ZBED3: variants seen among roughly 807,000 people sequenced by gnomAD.
ZBED3 encodes zinc finger BED domain-containing protein 3.
For missense variants in ZBED3, 388 were observed against 362.9 expected, an observed-to-expected ratio of 1.07 and a Z score of -0.56; for synonymous variants, 175 against 180.0, an observed-to-expected ratio of 0.97 and a Z score of 0.22.
intron 1 of ZBED3, chr5:77,080,492 T>C (rs762853714): frequency 1.9e-6 from 1 of 517,750 alleles, no homozygotes; most frequent in South Asian, 1.4e-5. Flanking sequence ...ATCCTCTGCC[T>C]GGGCAGCCCT....
chr5:77,080,602 A>G (rs774027937), intron 1 of ZBED3: 5 of 519,124 alleles, frequency 9.6e-6, no homozygotes, highest in South Asian at 5.6e-5. Flanking sequence ...GCTCAATACA[A>G]TCCTCAGTCT....
At chr5:77,080,442 G>A (rs780565395) in intron 1 of ZBED3, 4 of 486,002 alleles carry the variant, frequency 8.2e-6, no homozygotes, top group South Asian at 4.6e-5. Context: ...CACAAATGTC[G>A]GCCAGCACAG....
Position 77,077,173 on chromosome 5 carries a change from C to A in ZBED3, c.*1G>T, listed in dbSNP as rs149722735. 1.0e-5 allele frequency: 15 copies of A among 1,472,580 alleles called. No homozygotes were observed. The highest frequency in any genetic ancestry group is 1.3e-5 in the Non-Finnish European group (15 of 1,115,646). The allele number at this position is 1,472,580 out of a possible 1,614,324, so 91.2% of individuals were successfully genotyped here. ...CCTGGGGTGGGGAAGTGGCCACACC[C>A]CTACAGGAGGACCTTTGTGATGACG... On this transcript the variant is annotated 3_prime_UTR_variant, in exon 3 of 3. Coordinates refer to ENST00000255198, the MANE Select transcript of ZBED3 (RefSeq NM_032367.4).
Position 77,076,423 on chromosome 5 carries a change from G to A in ZBED3, c.*751C>T, listed in dbSNP as rs1485010261. 1 of 152,186 alleles carries A rather than the reference G, an allele frequency of 6.6e-6. No homozygotes were observed. Among genetic ancestry groups the A allele is most frequent in the Non-Finnish European group, 1.5e-5 (1 of 68,062 alleles). 9.4% of individuals were successfully genotyped at this position (152,186 alleles called of 1,614,324 possible). A position where few individuals can be genotyped will look rare whatever the true frequency, so the allele number is the denominator to read the frequency against. On this transcript the variant is annotated 3_prime_UTR_variant, in exon 3 of 3. Coordinates refer to ENST00000255198, the MANE Select transcript of ZBED3 (RefSeq NM_032367.4). The stretch of plus-strand genomic sequence containing the variant: ...CCTAGTGACAAGGGGATGAGGTGAT[G>A]TCTTGCTAAGGTGGCAGATGTGAGG...
At position 77,074,637 on chromosome 5, in the gene ZBED3, T is replaced by C. The variant is rs996031565; in HGVS notation, c.*2537A>G. 2 of 152,168 alleles carry C rather than the reference T, an allele frequency of 1.3e-5. No homozygotes were observed. Among genetic ancestry groups the C allele is most frequent in the African/African-American group, 4.8e-5 (2 of 41,424 alleles). 9.4% of individuals were successfully genotyped at this position (152,168 alleles called of 1,614,324 possible). A position where few individuals can be genotyped will look rare whatever the true frequency, so the allele number is the denominator to read the frequency against. Reference sequence around the variant, plus strand: ...CACATGGGGAATGCTCAGTAAATATTAATGTCACTAATTCCAGTCAATTCC... The same window carrying C: ...CACATGGGGAATGCTCAGTAAATATCAATGTCACTAATTCCAGTCAATTCC... On this transcript the variant is annotated 3_prime_UTR_variant, in exon 3 of 3. Transcript: ENST00000255198.
At chr5:77,078,111 A>G (rs1220829504) in intron 2 of ZBED3, among the ~76,000 whole-genome samples, 1 of 152,222 alleles carries the variant, frequency 6.6e-6, no homozygotes, top group African/African-American at 2.4e-5. Context: ...TTCCTATACT[A>G]GGAATCCTCT....
At position 77,076,300 on chromosome 5, in the gene ZBED3, T is replaced by A. The variant is rs1743002161; in HGVS notation, c.*874A>T. Reference sequence around the variant, plus strand: ...CAGTAAACGTGGGAGAGGAATGGGATGGAAAATGACAGGTAGATGTGGCCT... The same window carrying A: ...CAGTAAACGTGGGAGAGGAATGGGAAGGAAAATGACAGGTAGATGTGGCCT... On this transcript the variant is annotated 3_prime_UTR_variant, in exon 3 of 3. Coordinates refer to ENST00000255198, the MANE Select transcript of ZBED3 (RefSeq NM_032367.4). 1 of 151,622 alleles carries A rather than the reference T, an allele frequency of 6.6e-6. No homozygotes were observed. The highest frequency in any genetic ancestry group is 2.4e-5 in the African/African-American group (1 of 41,204). The allele number at this position is 151,622 out of a possible 1,614,324, so 9.4% of individuals were successfully genotyped here.
chr5:77,082,810 G>A (rs1743155326), intron 1 of ZBED3, among the ~76,000 whole-genome samples: 2 of 152,128 alleles, frequency 1.3e-5, no homozygotes, highest in South Asian at 4.1e-4. Context: ...TATATCACAG[G>A]ATCTCTACAT....
At chr5:77,083,708 AGAGT>A (rs1329020834) in intron 1 of ZBED3, among the ~76,000 whole-genome samples, 1 of 152,216 alleles carries the variant, frequency 6.6e-6, no homozygotes, top group African/African-American at 2.4e-5. Flanking sequence ...GTTATTCAAC[AGAGT>A]AAGTAGTCTA....
chr5:77,077,252 G>A lies in ZBED3; in HGVS notation c.627C>T (p.Ala209=). 6.8e-6 allele frequency: 10 copies of A among 1,464,614 alleles called. No homozygotes were observed. In the South Asian group the frequency reaches 1.3e-4, roughly 19 times the overall value. 90.7% of individuals were successfully genotyped at this position (1,464,614 alleles called of 1,614,324 possible). ...CCTTGAGCGGCGGCGGCGCAGCGGG[G>A]GCCCAGCCCAGGGCGCCCTCACGGC... is the stretch of plus-strand genomic sequence containing the variant. The part of the protein sequence containing the change: ...VSRREGALGW[A]PAAPPPLKDD... The change falls in exon 3 of 3, where the codon GCC becomes GCT. Residue 209 remains alanine, a synonymous_variant. Coordinates refer to ENST00000255198, the MANE Select transcript of ZBED3 (RefSeq NM_032367.4).
At chr5:77,078,295 A>G (rs1743067426) in intron 2 of ZBED3, among the ~76,000 whole-genome samples, 1 of 152,252 alleles carries the variant, frequency 6.6e-6, no homozygotes, top group Non-Finnish European at 1.5e-5. Context: ...CTTCAGAATA[A>G]CAGCTAGGCT....
Position 77,074,691 on chromosome 5 carries a change from G to C in ZBED3, c.*2483C>G, listed in dbSNP as rs1056259402. ...AACTGGAATTAATTAGTTGGAGTTA[G>C]GAAGGAAACAGGTGTCAGCTGGGTC... On this transcript the variant is annotated 3_prime_UTR_variant, in exon 3 of 3. Transcript: ENST00000255198. 2.6e-5 allele frequency: 4 copies of C among 152,240 alleles called. 1 individual carries two copies. Among genetic ancestry groups the C allele is most frequent in the Admixed American group, 1.3e-4 (2 of 15,278 alleles). 9.4% of individuals were successfully genotyped at this position (152,240 alleles called of 1,614,324 possible).
intron 1 of ZBED3, among the ~76,000 whole-genome samples, chr5:77,081,334 CTTTCT>C (rs1373340098): frequency 4.4e-4 from 47 of 107,760 alleles, no homozygotes; most frequent in Non-Finnish European, 6.1e-4. Context: ...TCTTTTCTTT[CTTTCT>C]TTTTTTTTTT....
chr5:77,079,285 A>T (rs1052138138), intron 1 of ZBED3: 1 of 152,280 alleles, frequency 6.6e-6, no homozygotes, highest in Non-Finnish European at 1.5e-5. Flanking sequence ...ACCCAGGCAC[A>T]GTGAGATCAA....
In ZBED3 at chr5:77,087,161, GAT is replaced by G. The variant is rs1158109965; in HGVS notation, c.-205_-204del. 2 of 152,488 alleles carry G rather than the reference GAT, an allele frequency of 1.3e-5. No homozygotes were observed. Among genetic ancestry groups the G allele is most frequent in the African/African-American group, 4.8e-5 (2 of 41,476 alleles). 9.4% of individuals were successfully genotyped at this position (152,488 alleles called of 1,614,324 possible). A position where few individuals can be genotyped will look rare whatever the true frequency, so the allele number is the denominator to read the frequency against. On this transcript the variant is annotated 5_prime_UTR_variant, in exon 1 of 3. It removes the in-frame stop codon of an upstream open reading frame in the 5' UTR. Transcript: ENST00000255198. The stretch of plus-strand genomic sequence containing the variant: ...AGCCGGCGGCGGGTCGGGAGTCCGA[GAT>G]GGTAGATCCCCCTCCAGGCGCCTCG...
chr5:77,085,346 A>T (rs1165778532), intron 1 of ZBED3, among the ~76,000 whole-genome samples: 1 of 152,246 alleles, frequency 6.6e-6, no homozygotes, highest in African/African-American at 2.4e-5. Context: ...AGTTGATTGT[A>T]TTATTTTATA....
chr5:77,079,909 A>G (rs1743096023), intron 1 of ZBED3, among the ~76,000 whole-genome samples: 2 of 152,320 alleles, frequency 1.3e-5, no homozygotes, highest in African/African-American at 2.4e-5. Flanking sequence ...AACATTTTTA[A>G]TTATCTAACT....
intron 1 of ZBED3, chr5:77,080,721 T>C (rs554375326): frequency 2.4e-5 from 10 of 422,066 alleles, no homozygotes; most frequent in Admixed American, 7.6e-5. Flanking sequence ...TTCTCATTCA[T>C]AGGTGGGAAT....
rs1233808881 is a variant in ZBED3 at position 77,075,934 on chromosome 5, AT to A, written c.*1239del. On this transcript the variant is annotated 3_prime_UTR_variant, in exon 3 of 3. Coordinates refer to ENST00000255198, the MANE Select transcript of ZBED3 (RefSeq NM_032367.4). ...TGACATGCACCCTAGAACTTAAAGT[AT>A]TATATATACATATATATATATATAT... The A allele has an allele frequency of 1.8e-5, 1 of 55,312 alleles. No homozygotes were observed. The highest frequency in any genetic ancestry group is 2.3e-4 in the Admixed American group (1 of 4,256). The allele number at this position is 55,312 out of a possible 1,614,324, so 3.4% of individuals were successfully genotyped here. A position where few individuals can be genotyped will look rare whatever the true frequency, so the allele number is the denominator to read the frequency against.
Sources: gnomAD v4.1 joint callset for allele counts (sites outside exome capture counted in the v4.1 genomes callset) on GRCh38, gnomAD v4.1.1 for gene constraint, MANE v1.5 for transcripts, NCBI Gene and HGNC (gene_info 2026-07-23, HGNC 2026-07-21) for gene names.